Variants in NTNG1 observed in about 807,000 individuals in gnomAD.
The protein encoded by NTNG1 is netrin G1.
NTNG1 carries 16 observed loss-of-function variants against 54.0 expected under a neutral mutation model. The observed-to-expected ratio is 0.30, with a 90% confidence interval of 0.20 to 0.45. The LOEUF (loss-of-function observed/expected upper bound fraction) is 0.45, where lower values mean the gene tolerates loss of function less well. NTNG1 is among the 20% of genes least tolerant of loss of function. NTNG1 has a pLI of 1.00. For missense variants in NTNG1, 530 were observed against 678.7 expected, an observed-to-expected ratio of 0.78 and a Z score of 2.43; for synonymous variants, 255 against 263.1, an observed-to-expected ratio of 0.97 and a Z score of 0.30.
At chr1:107,285,973 A>G (rs1273113188) in intron 2 of NTNG1, among the ~76,000 whole-genome samples, 1 of 152,172 alleles carries the variant, frequency 6.6e-6, no homozygotes, top group Non-Finnish European at 1.5e-5. Context: ...AATAAATGTC[A>G]GTCTTTCTTT....
Position 107,384,675 on chromosome 1 carries a change from A to G in NTNG1, c.888-10479A>G, listed in dbSNP as rs372622525. ...ATATTAGGTACTCATTATACTTGTG[A>G]AAGAATGAGCTCAAGAACTCTATGG... On this transcript the variant is annotated intron_variant, in intron 3 of 7. Transcript: ENST00000370068. 2.1e-3 allele frequency among the ~76,000 whole-genome samples: 321 copies of G among 152,296 alleles called. 1 individual carries two copies. The highest frequency in any genetic ancestry group is 7.4e-3 in the African/African-American group (306 of 41,566).
chr1:107,233,909 A>G (rs1243577984), intron 2 of NTNG1, among the ~76,000 whole-genome samples: 1 of 152,146 alleles, frequency 6.6e-6, no homozygotes, highest in African/African-American at 2.4e-5. Flanking sequence ...AAAGCCATAC[A>G]GGATTTTTGT....
intron 5 of NTNG1, among the ~76,000 whole-genome samples, chr1:107,422,587 A>G (rs1047660979): frequency 1.3e-5 from 2 of 152,126 alleles, no homozygotes; most frequent in Non-Finnish European, 1.5e-5. Flanking sequence ...CAACAGCTAC[A>G]TAAGGATGCA....
rs143863683 is a variant in NTNG1 at position 107,219,712 on chromosome 1, C to T, written c.246+70873C>T. On this transcript the variant is annotated intron_variant, in intron 2 of 7. Transcript: ENST00000370068. The stretch of plus-strand genomic sequence containing the variant: ...GGAGCTACCCAGCTCTGGGCTGGTA[C>T]CAGGGAATATCTGCAAAGGTCCTGT... 3.3e-3 allele frequency among the ~76,000 whole-genome samples: 500 copies of T among 152,252 alleles called. 2 individuals carry two copies. Among genetic ancestry groups the T allele is most frequent in the African/African-American group, 0.012 (482 of 41,538 alleles).
intron 1 of NTNG1, among the ~76,000 whole-genome samples, chr1:107,147,495 A>C (rs868152886): frequency 4.6e-5 from 7 of 151,794 alleles, no homozygotes; most frequent in African/African-American, 1.7e-4. Context: ...ACTTATCTTT[A>C]TTACTAAATG....
At chr1:107,306,186 G>A (rs1666685147) in intron 2 of NTNG1, among the ~76,000 whole-genome samples, 1 of 151,936 alleles carries the variant, frequency 6.6e-6, no homozygotes, top group Non-Finnish European at 1.5e-5. Flanking sequence ...TTTAACAAAG[G>A]TAAAATGAAA....
At position 107,358,791 on chromosome 1, in the gene NTNG1, C is replaced by T. The variant is rs190969675; in HGVS notation, c.887+33869C>T. ...ATTACAAACATGCCATAACACCCTG[C>T]TGTGAGGACAGCTTTGGTGCCCCAG... is the stretch of plus-strand genomic sequence containing the variant. On this transcript the variant is annotated intron_variant, in intron 3 of 7. Coordinates refer to ENST00000370068, the MANE Select transcript of NTNG1 (RefSeq NM_001113226.3). Among the ~76,000 whole-genome samples the T allele has an allele frequency of 2.8e-4, 42 of 152,254 alleles. No homozygotes were observed. The East Asian group carries it at 6.2e-3, about 22-fold the overall frequency.
chr1:107,273,981 G>A (rs1190320504), intron 2 of NTNG1, among the ~76,000 whole-genome samples: 1 of 143,850 alleles, frequency 7.0e-6, no homozygotes, highest in East Asian at 2.1e-4. Context: ...TTAAAGCAAA[G>A]TTCTGTGTCT....
At chr1:107,353,451 C>T (rs1222992150) in intron 3 of NTNG1, among the ~76,000 whole-genome samples, 4 of 152,196 alleles carry the variant, frequency 2.6e-5, no homozygotes, top group Non-Finnish European at 4.4e-5. Flanking sequence ...TACTCCTGTT[C>T]CCAATGACTT....
At chr1:107,236,156 G>C (rs1193890335) in intron 2 of NTNG1, among the ~76,000 whole-genome samples, 1 of 152,150 alleles carries the variant, frequency 6.6e-6, no homozygotes, top group East Asian at 1.9e-4. Flanking sequence ...AAATTAGCCT[G>C]AGGAAGGAAA....
At chr1:107,476,366 C>T (rs1330384214) in intron 7 of NTNG1, among the ~76,000 whole-genome samples, 1 of 152,158 alleles carries the variant, frequency 6.6e-6, no homozygotes, top group Non-Finnish European at 1.5e-5. Context: ...ACAACGACCA[C>T]CACCACCCCA....
intron 2 of NTNG1, among the ~76,000 whole-genome samples, chr1:107,178,228 T>C (rs1187723833): frequency 1.3e-5 from 2 of 152,194 alleles, no homozygotes; most frequent in African/African-American, 4.8e-5. Flanking sequence ...TTATTTTGCA[T>C]AGGTCCAAAG....
intron 3 of NTNG1, among the ~76,000 whole-genome samples, chr1:107,376,842 T>C (rs1035387801): frequency 2.0e-5 from 3 of 152,190 alleles, no homozygotes; most frequent in African/African-American, 4.8e-5. Context: ...CATGCAAGTG[T>C]CCCGTCTTCC....
intron 4 of NTNG1, among the ~76,000 whole-genome samples, chr1:107,395,945 C>T (rs1010999289): frequency 9.2e-5 from 14 of 152,164 alleles, no homozygotes; most frequent in African/African-American, 2.2e-4. Flanking sequence ...GATTTTTCTA[C>T]GCATGTGAAA....
chr1:107,212,317 C>G, intron 2 of NTNG1, among the ~76,000 whole-genome samples: 1 of 152,140 alleles, frequency 6.6e-6, no homozygotes, highest in Non-Finnish European at 1.5e-5. Flanking sequence ...AGTGCTCACT[C>G]TTTGCCAGAG....
At chr1:107,344,868 C>G (rs1355942885) in intron 3 of NTNG1, among the ~76,000 whole-genome samples, 1 of 152,130 alleles carries the variant, frequency 6.6e-6, no homozygotes, top group African/African-American at 2.4e-5. Flanking sequence ...TTTTTTAAAC[C>G]TTGCCTTCTC....
intron 3 of NTNG1, among the ~76,000 whole-genome samples, chr1:107,328,649 T>G (rs796766841): frequency 8.6e-4 from 131 of 152,260 alleles, no homozygotes; most frequent in African/African-American, 3.0e-3. Context: ...TTTTAAGTAT[T>G]TTGTTTCTTT....
rs539534466 is a variant in NTNG1, at chr1:107,457,420, T to C, written c.1390+20621T>C. Among the ~76,000 whole-genome samples, 3 of 152,356 alleles carry C rather than the reference T, an allele frequency of 2.0e-5. No homozygotes were observed. In the East Asian group the frequency reaches 5.8e-4, roughly 29 times the overall value. ...ATGGCACTGTGCTCAGTGCTATAGA[T>C]ATACAGATATGAGCATTCATCCAAC... On this transcript the variant is annotated intron_variant, in intron 7 of 7. Coordinates refer to ENST00000370068, the MANE Select transcript of NTNG1 (RefSeq NM_001113226.3).
intron 4 of NTNG1, among the ~76,000 whole-genome samples, chr1:107,407,056 C>T (rs775993528): frequency 2.0e-5 from 3 of 152,146 alleles, no homozygotes; most frequent in African/African-American, 4.8e-5. Flanking sequence ...CGATGAAGTC[C>T]GTGATCAATA....
Sources: gnomAD v4.1 joint callset for allele counts (sites outside exome capture counted in the v4.1 genomes callset) on GRCh38, gnomAD v4.1.1 for gene constraint, MANE v1.5 for transcripts, NCBI Gene and HGNC (gene_info 2026-07-23, HGNC 2026-07-21) for gene names.